The following RARG variants were observed in gnomAD, a reference collection of about 807,000 sequenced individuals.
RARG encodes RAR-gamma.
RARG carries 17 observed loss-of-function variants against 43.7 expected under a neutral mutation model. That is an observed-to-expected ratio of 0.39 (90% CI 0.27 to 0.58). The LOEUF is 0.58. Among genes scored for constraint, RARG ranks in the 20% least tolerant of loss-of-function variants. The pLI is 0.57. For missense variants in RARG, 346 were observed against 598.7 expected, an observed-to-expected ratio of 0.58 and a Z score of 4.40; for synonymous variants, 238 against 236.4, an observed-to-expected ratio of 1.01 and a Z score of -0.06.
At position 53,213,596 on chromosome 12, in the gene RARG, G is replaced by A; in HGVS notation, c.918C>T (p.Pro306=). 1 of 1,614,172 alleles carries A rather than the reference G, an allele frequency of 6.2e-7. No individual in the cohort carries two copies. The highest frequency in any genetic ancestry group is 8.5e-7 in the Non-Finnish European group (1 of 1,180,004). Residue 306 remains proline, a synonymous_variant, in exon 8 of 10, where the codon CCC becomes CCT. Coordinates refer to ENST00000425354, the MANE Select transcript of RARG (RefSeq NM_000966.6). This position sits in a 1 kb window ranked among gnomAD's most constrained non-coding sequence, Gnocchi z 4.7. ...RTQMHNAGFG[P]LTDLVFAFAG... is the part of the protein sequence containing the mutation. The stretch of plus-strand genomic sequence containing the variant: ...CAAAGGCAAAGACAAGGTCTGTGAG[G>A]GGCCCGAAGCCGGCATTGTGCATCT...
chr12:53,212,102 C>T (rs1942606361), intron 9 of RARG, among the ~76,000 whole-genome samples: 1 of 152,228 alleles, frequency 6.6e-6, no homozygotes, highest in South Asian at 2.1e-4. Context: ...CCCATTCTTT[C>T]AGGCTGTCTC....
Position 53,211,809 on chromosome 12 carries a change from A to G in RARG, c.1232T>C (p.Leu411Ser). Residue 411 changes from leucine to serine, a missense_variant, in exon 10 of 10, where the codon TTA becomes TCA. By Grantham distance (145) the Leu-to-Ser change is moderately radical. Transcript: ENST00000425354. The surrounding 1 kb of genome is among the most constrained non-coding windows in gnomAD (Gnocchi z 4.6). ...KMEIPGPMPP[L>S]IREMLENPEM... ...AGGGTTCTCCAGCATCTCTCGGATT[A>G]AGGGAGGCATCGGGCCTGGAATCTC... 1 of 1,548,488 alleles carries G rather than the reference A, an allele frequency of 6.5e-7. No individual in the cohort carries two copies. The highest frequency in any genetic ancestry group is 8.7e-7 in the Non-Finnish European group (1 of 1,146,110).
intron 3 of RARG, among the ~76,000 whole-genome samples, chr12:53,225,064 A>G (rs1943073384): frequency 6.6e-6 from 1 of 152,144 alleles, no homozygotes; most frequent in Admixed American, 6.5e-5. Flanking sequence ...TCAAGTCCCA[A>G]GAGGCTGAGT....
At chr12:53,214,821 C>T (rs948031643) in intron 5 of RARG, 1 of 533,182 alleles carries the variant, frequency 1.9e-6, no homozygotes, top group Admixed American at 3.3e-5. Flanking sequence ...CTGCTCCTTC[C>T]CCAGGCCATT....
At position 53,215,208 on chromosome 12, in the gene RARG, G is replaced by A. The variant is rs1426054878; in HGVS notation, c.475+85C>T. The A allele has an allele frequency of 2.0e-6, 3 of 1,536,768 alleles. No individual in the cohort carries two copies. The highest frequency in any genetic ancestry group is 1.4e-5 in the African/African-American group (1 of 73,430). ...GGCAGGCCAAGTCTCAGAGGTCAGG[G>A]AAGTGGGAGTGGCCAGAGGAAAGAG... On this transcript the variant is annotated intron_variant, in intron 5 of 9. Transcript: ENST00000425354. This position sits in a 1 kb window ranked among gnomAD's most constrained non-coding sequence, Gnocchi z 6.4.
At position 53,215,914 on chromosome 12, in the gene RARG, AC is replaced by A; in HGVS notation, c.185-121del. On this transcript the variant is annotated intron_variant, in intron 3 of 9. Transcript: ENST00000425354. The surrounding 1 kb of genome is among the most constrained non-coding windows in gnomAD (Gnocchi z 6.4). ...TGGCCCACTGGTGACAGCCATCACTACCACAGTGCACTAGTTCCAGCAGTAA... is the reference window on the plus strand; with the variant it reads ...TGGCCCACTGGTGACAGCCATCACTACACAGTGCACTAGTTCCAGCAGTAA... 9.4e-7 allele frequency: 1 copy of A among 1,060,712 alleles called. No individual in the cohort carries two copies. The highest frequency in any genetic ancestry group is 1.3e-6 in the Non-Finnish European group (1 of 757,256). 65.7% of individuals were successfully genotyped at this position (1,060,712 alleles called of 1,614,324 possible).
At chr12:53,230,836 CGTGTGTGT>C (rs59367849) in intron 2 of RARG, among the ~76,000 whole-genome samples, 2,801 of 119,962 alleles carry the variant, frequency 0.023, 43 homozygotes, top group African/African-American at 0.047. Context: ...GGCCACAGTG[CGTGTGTGT>C]GTGTGTGTGT....
In RARG at chr12:53,226,809, A is replaced by G. The variant is rs1451631835; in HGVS notation, c.184+553T>C. ...GCATTTTTAACAGAGGGGGAGTTTCACCATGTTGGCCAGGCTGGTCTCGAA... is the reference window on the plus strand; with the variant it reads ...GCATTTTTAACAGAGGGGGAGTTTCGCCATGTTGGCCAGGCTGGTCTCGAA... On this transcript the variant is annotated intron_variant, in intron 3 of 9. Transcript: ENST00000425354. 2.6e-5 allele frequency among the ~76,000 whole-genome samples: 4 copies of G among 151,270 alleles called. No homozygotes were observed. In the East Asian group the frequency reaches 7.7e-4, roughly 29 times the overall value.
rs948249710 is a variant in RARG, at chr12:53,227,084, G to A, written c.184+278C>T. Among the ~76,000 whole-genome samples the A allele has an allele frequency of 2.6e-5, 4 of 152,038 alleles. No homozygotes were observed. Among genetic ancestry groups the A allele is most frequent in the Admixed American group, 6.5e-5 (1 of 15,268 alleles). On this transcript the variant is annotated intron_variant, in intron 3 of 9. Coordinates refer to ENST00000425354, the MANE Select transcript of RARG (RefSeq NM_000966.6). This position sits in a 1 kb window ranked among gnomAD's most constrained non-coding sequence, Gnocchi z 4.3. ...CCCCTCTACTAGTTGACTGACCCAG[G>A]AGGCAGTTTTAGATACCCACCCCCC... is the stretch of plus-strand genomic sequence containing the variant.
At chr12:53,214,340 C>A in intron 6 of RARG, 105 bp from the exon 7 acceptor site, 1 of 1,534,620 alleles carries the variant, frequency 6.5e-7, no homozygotes, top group African/African-American at 1.4e-5. Flanking sequence ...CATTCTGATG[C>A]CCTCCTTGTC....
At chr12:53,220,271 A>C in intron 3 of RARG, 8 of 1,239,130 alleles carry the variant, frequency 6.5e-6, no homozygotes, top group East Asian at 4.2e-5. Context: ...GGGGATCCCC[A>C]GCAGGGGAAA....
In RARG at chr12:53,219,922, C is replaced by CA. The variant is rs767937368; in HGVS notation, c.185-4129dup. ...AAATCCCACCCTCTCCTGCACCCTACACCCCAGCCCCGGACTCCGGTACCT... is the reference window on the plus strand; with the variant it reads ...AAATCCCACCCTCTCCTGCACCCTACAACCCCAGCCCCGGACTCCGGTACCT... On this transcript the variant is annotated intron_variant, in intron 3 of 9. Coordinates refer to ENST00000425354, the MANE Select transcript of RARG (RefSeq NM_000966.6). 8.8e-6 allele frequency: 13 copies of CA among 1,483,884 alleles called. No individual in the cohort carries two copies. The East Asian group carries it at 3.1e-4, about 36-fold the overall frequency. The allele number at this position is 1,483,884 out of a possible 1,614,324, so 91.9% of individuals were successfully genotyped here.
At chr12:53,230,016 G>A in intron 2 of RARG, 2 of 955,500 alleles carry the variant, frequency 2.1e-6, no homozygotes, top group Non-Finnish European at 2.5e-6. Flanking sequence ...GAAGGGGGTA[G>A]AGATTCCTCC....
chr12:53,213,465 A>ACTG lies in RARG; in HGVS notation c.1018+28_1018+30dup, dbSNP rs745797576. 6.2e-7 allele frequency: 1 copy of ACTG among 1,605,696 alleles called. No homozygotes were observed. Among genetic ancestry groups the ACTG allele is most frequent in the Non-Finnish European group, 8.5e-7 (1 of 1,174,938 alleles). ...GGAGTGGTGGGAAAGGAGACTGAGC[A>ACTG]CTGAGCAGACGCCAGGGGGCGCCCC... On this transcript the variant is annotated intron_variant, in intron 8 of 9. Transcript: ENST00000425354. This position sits in a 1 kb window ranked among gnomAD's most constrained non-coding sequence, Gnocchi z 4.7.
Position 53,213,060 on chromosome 12 carries a change from G to A in RARG, c.1177+25C>T, listed in dbSNP as rs1016830338. 3 of 1,594,438 alleles carry A rather than the reference G, an allele frequency of 1.9e-6. No homozygotes were observed. The highest frequency in any genetic ancestry group is 2.6e-6 in the Non-Finnish European group (3 of 1,168,414). ...AGACCAACAGCCCTGGGAAGACAGAGAGGGGACACCCACTCATGACTCACC... is the reference window on the plus strand; with the variant it reads ...AGACCAACAGCCCTGGGAAGACAGAAAGGGGACACCCACTCATGACTCACC... On this transcript the variant is annotated intron_variant, in intron 9 of 9. Coordinates refer to ENST00000425354, the MANE Select transcript of RARG (RefSeq NM_000966.6). The surrounding 1 kb of genome is among the most constrained non-coding windows in gnomAD (Gnocchi z 4.7).
In RARG at chr12:53,213,903, G is replaced by C; in HGVS notation, c.813+156C>G. The C allele has an allele frequency of 9.1e-7, 1 of 1,103,930 alleles. No individual in the cohort carries two copies. The highest frequency in any genetic ancestry group is 1.3e-6 in the Non-Finnish European group (1 of 762,616). 68.4% of individuals were successfully genotyped at this position (1,103,930 alleles called of 1,614,324 possible). On this transcript the variant is annotated intron_variant, in intron 7 of 9. Transcript: ENST00000425354. The surrounding 1 kb of genome is among the most constrained non-coding windows in gnomAD (Gnocchi z 4.7). ...CAGGGCATCCAAAAGTCTAGGATCAGGTCATAGGGGCAGAGGCTAAGACGA... is the reference window on the plus strand; with the variant it reads ...CAGGGCATCCAAAAGTCTAGGATCACGTCATAGGGGCAGAGGCTAAGACGA...
chr12:53,228,732 G>A (rs1447874028), intron 2 of RARG, among the ~76,000 whole-genome samples: 1 of 151,882 alleles, frequency 6.6e-6, no homozygotes, highest in African/African-American at 2.4e-5. Context: ...GTTTTGTTGA[G>A]ACAGCTAATG....
In RARG at chr12:53,215,282, T is replaced by C. The variant is rs1942729592; in HGVS notation, c.475+11A>G. The C allele has an allele frequency of 6.2e-7, 1 of 1,613,686 alleles. No individual in the cohort carries two copies. The highest frequency in any genetic ancestry group is 2.2e-5 in the East Asian group (1 of 44,874). On this transcript the variant is annotated intron_variant, in intron 5 of 9. Coordinates refer to ENST00000425354, the MANE Select transcript of RARG (RefSeq NM_000966.6). This position sits in a 1 kb window ranked among gnomAD's most constrained non-coding sequence, Gnocchi z 6.4. ...GAAGTGCTCCTGCCCAAGCCAAGGA[T>C]GGCAGCCTACCTTCCTTGGACATGC...
chr12:53,223,900 C>T (rs1943044347), intron 3 of RARG, among the ~76,000 whole-genome samples: 1 of 151,966 alleles, frequency 6.6e-6, no homozygotes, highest in Non-Finnish European at 1.5e-5. Context: ...GCCCCATGGC[C>T]AGGGCAGCAT....
Sources: allele counts gnomAD v4.1 joint callset (sites outside exome capture counted in the v4.1 genomes callset), GRCh38; gene constraint gnomAD v4.1.1; non-coding constraint Gnocchi (gnomAD v3.1); transcripts MANE v1.5; gene names NCBI Gene and HGNC (gene_info 2026-07-23, HGNC 2026-07-21).